TTC13: variants seen among roughly 807,000 people sequenced by gnomAD.
TTC13 encodes the protein tetratricopeptide repeat protein 13.
A neutral mutation model predicts 120.0 loss-of-function variants in TTC13; 62 were observed. The observed-to-expected ratio is 0.52, with a 90% CI of 0.42 to 0.64. The LOEUF is 0.64. Among genes scored for constraint, TTC13 ranks in the 30% least tolerant of loss-of-function variants. The pLI, the probability that TTC13 is intolerant of heterozygous loss-of-function variation, is 0.00. For synonymous variants in TTC13, 384 were observed against 393.5 expected, an observed-to-expected ratio of 0.98 and a Z score of 0.28; for missense variants, 824 against 1,050.2, an observed-to-expected ratio of 0.78 and a Z score of 2.98.
chr1:230,912,524 A>T, intron 19 of TTC13, 99 bp downstream of exon 19: 1 of 1,370,136 alleles, frequency 7.3e-7, no homozygotes, highest in Non-Finnish European at 1.0e-6. Flanking sequence ...ACCCAATTTC[A>T]AGCATAAGAT....
chr1:230,943,799 C>T lies in TTC13; in HGVS notation c.672+7G>A, dbSNP rs201467884. On this transcript the variant is annotated splice_region_variant and intron_variant, in intron 6 of 22. Transcript: ENST00000366661. ...AATGACAGAGGGAAAAAGAAAGCCA[C>T]ACTCACTTCTGCTCGCTGCTCAAAT... 2 of 1,595,278 alleles carry T rather than the reference C, an allele frequency of 1.3e-6. No individual in the cohort carries two copies. The highest frequency in any genetic ancestry group is 2.7e-5 in the African/African-American group (2 of 74,378).
rs986328455 is a variant in TTC13, at chr1:230,939,304, G to C, written c.900+82C>G. Reference sequence around the variant, plus strand: ...GGAGCTCAATAAATAATAAATACCAGCCATCAATCAAACGAAATTCCTCCC... The same window carrying C: ...GGAGCTCAATAAATAATAAATACCACCCATCAATCAAACGAAATTCCTCCC... On this transcript the variant is annotated intron_variant, in intron 8 of 22. Coordinates refer to ENST00000366661, the MANE Select transcript of TTC13 (RefSeq NM_024525.5). 3.9e-5 allele frequency: 27 copies of C among 699,408 alleles called. No homozygotes were observed. The East Asian group carries it at 6.5e-4, about 17-fold the overall frequency. 43.3% of individuals were successfully genotyped at this position (699,408 alleles called of 1,614,324 possible). A position where few individuals can be genotyped will look rare whatever the true frequency, so the allele number is the denominator to read the frequency against.
chr1:230,975,746 G>A (rs1455516824), intron 1 of TTC13, among the ~76,000 whole-genome samples: 1 of 152,166 alleles, frequency 6.6e-6, no homozygotes, highest in Non-Finnish European at 1.5e-5. Flanking sequence ...CAGGAAACAT[G>A]CAAAGCTCAA....
chr1:230,937,823 A>C (rs1674200091), intron 8 of TTC13, among the ~76,000 whole-genome samples: 1 of 152,222 alleles, frequency 6.6e-6, no homozygotes, highest in African/African-American at 2.4e-5. Context: ...CCTCACGATC[A>C]CTCCAAGAGG....
At chr1:230,907,146 A>AAGGC (rs997192861) in intron 22 of TTC13, 127 bp from the exon 23 acceptor site, 21 of 422,872 alleles carry the variant, frequency 5.0e-5, no homozygotes, top group African/African-American at 3.7e-4. Flanking sequence ...CAGTGTTAGA[A>AAGGC]AGGCAGGGAG....
intron 13 of TTC13, 107 bp from the exon 14 acceptor site, chr1:230,925,080 A>G (rs1368444478): frequency 1.4e-6 from 2 of 1,395,708 alleles, no homozygotes; most frequent in Non-Finnish European, 2.0e-6. Flanking sequence ...ATAAAGGGTC[A>G]GAAGTATTGG....
At position 230,931,737 on chromosome 1, in the gene TTC13, T is replaced by G; in HGVS notation, c.1124A>C (p.Lys375Thr). 1 of 1,613,928 alleles carries G rather than the reference T, an allele frequency of 6.2e-7. No homozygotes were observed. The highest frequency in any genetic ancestry group is 1.3e-5 in the African/African-American group (1 of 75,042). Residue 375 changes from lysine to threonine, a missense_variant and splice_region_variant, in exon 10 of 23, where the codon AAG (lysine) becomes ACG (threonine). Transcript: ENST00000366661. ...GTGTTCTTATTTATGGATGCTCACC[T>G]TAAAGTTCTTAAGGGCTTCCTGTAA... ...GSLQEALKNF[K>T]RCLQLEPYNE...
In TTC13 at chr1:230,938,515, A is replaced by G. The variant is rs1268850624; in HGVS notation, c.900+871T>C. ...TTCTGCCCATACTTTCAGTCAGTTC[A>G]GATAGCTTTCCTGTTTCCCTCTACC... On this transcript the variant is annotated intron_variant, in intron 8 of 22. Coordinates refer to ENST00000366661, the MANE Select transcript of TTC13 (RefSeq NM_024525.5). 4.6e-5 allele frequency among the ~76,000 whole-genome samples: 7 copies of G among 152,210 alleles called. No homozygotes were observed. The East Asian group carries it at 1.3e-3, about 29-fold the overall frequency.
chr1:230,910,322 G>A (rs907824175), intron 20 of TTC13, among the ~76,000 whole-genome samples: 2 of 152,334 alleles, frequency 1.3e-5, no homozygotes, highest in Admixed American at 6.5e-5. Flanking sequence ...AAAGAGCCAC[G>A]GAAGAGAGCG....
At position 230,942,234 on chromosome 1, in the gene TTC13, A is replaced by G. The variant is rs1332293537; in HGVS notation, c.672+1572T>C. On this transcript the variant is annotated intron_variant, in intron 6 of 22. Transcript: ENST00000366661. This position sits in a 1 kb window ranked among gnomAD's most constrained non-coding sequence, Gnocchi z 4.0. ...ATTTTAACATAAACCAGAGTAATATAGGGGAAAAAACATCAGTCCCCCCTA... is the reference window on the plus strand; with the variant it reads ...ATTTTAACATAAACCAGAGTAATATGGGGGAAAAAACATCAGTCCCCCCTA... Among the ~76,000 whole-genome samples the G allele has an allele frequency of 2.0e-5, 3 of 152,206 alleles. No homozygotes were observed. Among genetic ancestry groups the G allele is most frequent in the African/African-American group, 4.8e-5 (2 of 41,446 alleles).
chr1:230,967,671 G>C (rs1677261873), intron 1 of TTC13, among the ~76,000 whole-genome samples: 1 of 152,112 alleles, frequency 6.6e-6, no homozygotes, highest in South Asian at 2.1e-4. Context: ...ATAGTTGCTA[G>C]AGTTATAACT....
At chr1:230,976,352 A>G (rs1678306060) in intron 1 of TTC13, among the ~76,000 whole-genome samples, 1 of 152,192 alleles carries the variant, frequency 6.6e-6, no homozygotes, top group Non-Finnish European at 1.5e-5. Flanking sequence ...CCCACATCCT[A>G]GGACAGAGAA....
At chr1:230,914,998 G>GA (rs982534409) in intron 18 of TTC13, among the ~76,000 whole-genome samples, 1 of 152,082 alleles carries the variant, frequency 6.6e-6, no homozygotes, top group Non-Finnish European at 1.5e-5. Context: ...TGAAAAGGTA[G>GA]GAGAACACTT....
intron 8 of TTC13, among the ~76,000 whole-genome samples, chr1:230,938,248 T>C (rs1674246116): frequency 6.6e-6 from 1 of 152,234 alleles, no homozygotes; most frequent in African/African-American, 2.4e-5. Context: ...AGGCTGCCTC[T>C]GTTTCGTTCT....
At chr1:230,966,136 A>C (rs1677104045) in intron 1 of TTC13, among the ~76,000 whole-genome samples, 1 of 152,228 alleles carries the variant, frequency 6.6e-6, no homozygotes, top group African/African-American at 2.4e-5. Flanking sequence ...CACAATAAAT[A>C]AATGTTTTTT....
At chr1:230,907,054 A>C in intron 22 of TTC13, 35 bp from the exon 23 acceptor site, 1 of 1,158,130 alleles carries the variant, frequency 8.6e-7, no homozygotes, top group Non-Finnish European at 1.2e-6. Flanking sequence ...CGGCATGAAA[A>C]TTAACAAAAT....
chr1:230,931,729 T>G lies in TTC13; in HGVS notation c.1125+7A>C. 1 of 1,613,430 alleles carries G rather than the reference T, an allele frequency of 6.2e-7. No individual in the cohort carries two copies. Among genetic ancestry groups the G allele is most frequent in the Non-Finnish European group, 8.5e-7 (1 of 1,179,758 alleles). The stretch of plus-strand genomic sequence containing the variant: ...CAATTACAGTGTTCTTATTTATGGA[T>G]GCTCACCTTAAAGTTCTTAAGGGCT... On this transcript the variant is annotated splice_region_variant and intron_variant, in intron 10 of 22. Coordinates refer to ENST00000366661, the MANE Select transcript of TTC13 (RefSeq NM_024525.5).
At position 230,978,397 on chromosome 1, in the gene TTC13, C is replaced by A. The variant is rs1272333223; in HGVS notation, c.271+163G>T. ...GGGCGCGCGGCGGCGTGGGTGGCAG[C>A]GGCGGGAAGCTGCCCGCCAGGACCC... is the stretch of plus-strand genomic sequence containing the variant. On this transcript the variant is annotated intron_variant, in intron 1 of 22. Transcript: ENST00000366661. This position sits in a 1 kb window ranked among gnomAD's most constrained non-coding sequence, Gnocchi z 5.6. 6.6e-6 allele frequency among the ~76,000 whole-genome samples: 1 copy of A among 151,806 alleles called. No homozygotes were observed. The highest frequency in any genetic ancestry group is 2.4e-5 in the African/African-American group (1 of 41,406).
chr1:230,908,791 A>C lies in TTC13; in HGVS notation c.2389T>G (p.Leu797Val), dbSNP rs772133063. The C allele has an allele frequency of 1.2e-6, 2 of 1,612,650 alleles. No individual in the cohort carries two copies. The highest frequency in any genetic ancestry group is 2.7e-5 in the African/African-American group (2 of 75,022). The part of the protein sequence containing the change: ...EVAGKIPKGK[L>V]VDFEAMTAPG... The stretch of plus-strand genomic sequence containing the variant: ...GCTGTCATAGCTTCAAAGTCGACTA[A>C]CTGAAAAAGAAAGACATTTAGGAAT... Residue 797 changes from leucine to valine, a missense_variant and splice_region_variant, in exon 22 of 23, where the codon TTA becomes GTA. By Grantham distance (32) the Leu-to-Val change is conservative. This residue lies in a region of TTC13 where 226 missense variants were observed against 259.1 expected (regional missense o/e 0.87). Coordinates refer to ENST00000366661, the MANE Select transcript of TTC13 (RefSeq NM_024525.5).
Sources: allele counts gnomAD v4.1 joint callset (sites outside exome capture counted in the v4.1 genomes callset), GRCh38; gene constraint gnomAD v4.1.1; regional missense constraint gnomAD v4.1.1; non-coding constraint Gnocchi (gnomAD v3.1); transcripts MANE v1.5; gene names NCBI Gene and HGNC (gene_info 2026-07-23, HGNC 2026-07-21).